ZNF831: variants seen among roughly 807,000 people sequenced by gnomAD.
ZNF831 encodes the protein zinc finger protein 831.
Under a neutral mutation model 95.8 loss-of-function variants are expected in ZNF831, and 59 were observed. The ratio of observed to expected loss-of-function variants is 0.62; its 90% CI spans 0.50 to 0.77. The LOEUF (loss-of-function observed/expected upper bound fraction) is 0.77. Among genes scored for constraint, ZNF831 ranks in the 30% least tolerant of loss-of-function variants. The probability of loss-of-function intolerance (pLI) is 0.00; values close to 1 mark genes in which losing one functional copy is unlikely to be tolerated. For missense variants in ZNF831, 2,205 were observed against 2,164.0 expected (o/e 1.02, Z -0.38); for synonymous variants, 961 against 925.5 (o/e 1.04, Z -0.70).
In ZNF831 at chr20:59,254,848, C is replaced by T. The variant is rs1988104486; in HGVS notation, c.*105C>T. ...CTAAACTCTATCTGTGAAACACCTA[C>T]AGATTAGGAAAGCCATTTTGAGTTA... On this transcript the variant is annotated 3_prime_UTR_variant, in exon 6 of 6. Coordinates refer to ENST00000371030, the MANE Select transcript of ZNF831 (RefSeq NM_178457.3). This position sits in a 1 kb window ranked among gnomAD's most constrained non-coding sequence, Gnocchi z 4.5. 12 of 1,458,628 alleles carry T rather than the reference C, an allele frequency of 8.2e-6. No homozygotes were observed. Among genetic ancestry groups the T allele is most frequent in the Non-Finnish European group, 1.0e-5 (11 of 1,088,608 alleles). 90.4% of individuals were successfully genotyped at this position (1,458,628 alleles called of 1,614,324 possible). A position where few individuals can be genotyped will look rare whatever the true frequency, so the allele number is the denominator to read the frequency against.
Position 59,258,658 on chromosome 20 carries a change from A to C in ZNF831, c.*3915A>C, listed in dbSNP as rs573486897. 6.6e-6 allele frequency: 1 copy of C among 152,470 alleles called. No individual in the cohort carries two copies. The highest frequency in any genetic ancestry group is 1.9e-4 in the East Asian group (1 of 5,186). 9.4% of individuals were successfully genotyped at this position (152,470 alleles called of 1,614,324 possible). On this transcript the variant is annotated 3_prime_UTR_variant, in exon 6 of 6. Transcript: ENST00000371030. ...TTTCCTCACTTCAGTTGTTCTTCCC[A>C]TAGTTCATGTAGGGAGGCACTTTGG...
At chr20:59,198,261 C>T (rs988328803) in intron 3 of ZNF831, among the ~76,000 whole-genome samples, 1 of 152,212 alleles carries the variant, frequency 6.6e-6, no homozygotes, top group Non-Finnish European at 1.5e-5. Context: ...TAGGCCAGTG[C>T]TCTAAAACTT....
At position 59,191,093 on chromosome 20, in the gene ZNF831, G is replaced by A. The variant is rs770744028; in HGVS notation, c.74G>A (p.Gly25Glu). ...CCAGCTCCCACTCCTGGCCCTCCAG[G>A]GGCCCCAGGTGGCCAGGCCTCACCT... is the stretch of plus-strand genomic sequence containing the variant. ...DQPAPTPGPP[G>E]APGGQASPHL... Residue 25 changes from glycine to glutamate, a missense_variant, in exon 2 of 6, where the codon GGG becomes GAG. Coordinates refer to ENST00000371030, the MANE Select transcript of ZNF831 (RefSeq NM_178457.3). 4.5e-6 allele frequency: 7 copies of A among 1,549,448 alleles called. No homozygotes were observed. Among genetic ancestry groups the A allele is most frequent in the East Asian group, 2.3e-5 (1 of 43,836 alleles).
At position 59,142,511 on chromosome 20, in the gene ZNF831, G is replaced by T. The variant is rs149769146; in HGVS notation, c.-1424-3720G>T. 6.2e-4 allele frequency among the ~76,000 whole-genome samples: 95 copies of T among 152,320 alleles called. 1 individual carries two copies. The highest frequency in any genetic ancestry group is 3.8e-4 in the Non-Finnish European group (26 of 68,018). ...CCAAAGCTTGGGATTCGTAGCCGTG[G>T]AAGAGCACAAGATGACGTTAGGGTG... On this transcript the variant is annotated intron_variant, in intron 1 of 7. Transcript: ENST00000637017.
At chr20:59,157,168 A>G (rs1261746032) in intron 2 of ZNF831, among the ~76,000 whole-genome samples, 1 of 152,206 alleles carries the variant, frequency 6.6e-6, no homozygotes, top group Admixed American at 6.5e-5. Context: ...TAGCTTATTC[A>G]TTCTAACTAT....
At position 59,192,880 on chromosome 20, in the gene ZNF831, C is replaced by G. The variant is rs1983725361; in HGVS notation, c.1861C>G (p.Gln621Glu). 6.3e-7 allele frequency: 1 copy of G among 1,598,624 alleles called. No homozygotes were observed. The highest frequency in any genetic ancestry group is 8.5e-7 in the Non-Finnish European group (1 of 1,172,526). The part of the protein sequence containing the change: ...RLKMFSQEKW[Q>E]VYGDETFKRI... ...GAAGATGTTCTCCCAGGAGAAGTGG[C>G]AGGTGTACGGGGATGAGACGTTCAA... Residue 621 changes from glutamine to glutamate, a missense_variant, in exon 2 of 6, where the codon CAG becomes GAG. By Grantham distance (29) the Gln-to-Glu change is conservative (BLOSUM62 2). Transcript: ENST00000371030. The surrounding 1 kb of genome is among the most constrained non-coding windows in gnomAD (Gnocchi z 5.2).
chr20:59,169,965 T>G lies in ZNF831; in HGVS notation c.-37+5758T>G, dbSNP rs571710065. Among the ~76,000 whole-genome samples the G allele has an allele frequency of 6.6e-6, 1 of 152,136 alleles. No individual in the cohort carries two copies. The highest frequency in any genetic ancestry group is 1.5e-5 in the Non-Finnish European group (1 of 68,020). On this transcript the variant is annotated intron_variant, in intron 1 of 5. Coordinates refer to ENST00000371030, the MANE Select transcript of ZNF831 (RefSeq NM_178457.3). The surrounding 1 kb of genome is among the most constrained non-coding windows in gnomAD (Gnocchi z 4.1). Reference sequence around the variant, plus strand: ...AGCTCTTTCTTTCATTGATTTTCTCTATTATTTTTCTGTTTTGATTTGACC... The same window carrying G: ...AGCTCTTTCTTTCATTGATTTTCTCGATTATTTTTCTGTTTTGATTTGACC...
At position 59,176,121 on chromosome 20, in the gene ZNF831, A is replaced by G. The variant is rs561255356; in HGVS notation, c.-37+11914A>G. On this transcript the variant is annotated intron_variant, in intron 1 of 5. Transcript: ENST00000371030. ...ACACACTGTGGCACACCCACACCGT[A>G]AAACAGGACTTGGCAAGGAAAAGGA... Among the ~76,000 whole-genome samples, 5 of 152,382 alleles carry G rather than the reference A, an allele frequency of 3.3e-5. No individual in the cohort carries two copies. In the East Asian group the frequency reaches 9.6e-4, roughly 29 times the overall value.
chr20:59,155,407 T>G (rs1324989950), intron 2 of ZNF831, among the ~76,000 whole-genome samples: 1 of 152,226 alleles, frequency 6.6e-6, no homozygotes. Context: ...TAGAGCACCC[T>G]GATGTGAATG....
intron 1 of ZNF831, among the ~76,000 whole-genome samples, chr20:59,179,134 C>A (rs753263235): frequency 1.5e-4 from 23 of 152,230 alleles, no homozygotes; most frequent in Non-Finnish European, 3.4e-4. Context: ...CATGGGAGGA[C>A]CACAGTGGCT....
At chr20:59,222,340 A>G (rs1986136308) in intron 4 of ZNF831, among the ~76,000 whole-genome samples, 1 of 151,832 alleles carries the variant, frequency 6.6e-6, no homozygotes. Context: ...AGACCCCCCT[A>G]CCCTGGTGGG....
chr20:59,194,304 TC>T lies in ZNF831; in HGVS notation c.3288del (p.Trp1097GlyfsTer81). 2 of 1,613,922 alleles carry T rather than the reference TC, an allele frequency of 1.2e-6. No homozygotes were observed. The highest frequency in any genetic ancestry group is 1.7e-6 in the Non-Finnish European group (2 of 1,179,996). Reference protein sequence around the residue: ...RARLSGDVLNPWVPNWELGEP... With the variant: ...RARLSGDVLNXWVPNWELGEP... The stretch of plus-strand genomic sequence containing the variant: ...CCAGGCTCTCTGGGGATGTCCTGAA[TC>T]CCTGGGTACCCAACTGGGAGCTGGG... On this transcript the variant is annotated frameshift_variant, in exon 2 of 6. Coordinates refer to ENST00000371030, the MANE Select transcript of ZNF831 (RefSeq NM_178457.3). LOFTEE classifies it high-confidence loss of function.
intron 2 of ZNF831, among the ~76,000 whole-genome samples, chr20:59,147,580 G>A (rs1389943646): frequency 6.6e-6 from 1 of 152,210 alleles, no homozygotes; most frequent in Admixed American, 6.5e-5. Flanking sequence ...CAAAGATGTT[G>A]GATCATGGCT....
chr20:59,253,265 A>G lies in ZNF831; in HGVS notation c.4188+127A>G. ...ATCACCTTATGAAGATTCGTGGCAC[A>G]GAAAGCCCATTAAGACAAACAAATA... On this transcript the variant is annotated intron_variant, in intron 5 of 5. Coordinates refer to ENST00000371030, the MANE Select transcript of ZNF831 (RefSeq NM_178457.3). 4 of 1,045,406 alleles carry G rather than the reference A, an allele frequency of 3.8e-6. No individual in the cohort carries two copies. The South Asian group carries it at 7.0e-5, about 18-fold the overall frequency. 64.8% of individuals were successfully genotyped at this position (1,045,406 alleles called of 1,614,324 possible).
chr20:59,196,942 ATTT>A (rs34011921), intron 3 of ZNF831, among the ~76,000 whole-genome samples: 1 of 132,386 alleles, frequency 7.6e-6, no homozygotes, highest in Non-Finnish European at 1.7e-5. Context: ...ACGCCCAGCT[ATTT>A]TTTTTTTTTT....
At chr20:59,127,248 G>A (rs1601287775) in intron 1 of ZNF831, among the ~76,000 whole-genome samples, 1 of 152,150 alleles carries the variant, frequency 6.6e-6, no homozygotes, top group Non-Finnish European at 1.5e-5. Context: ...TGTCTCTTGA[G>A]TCCACGTCAC....
chr20:59,136,555 T>C (rs1020513061), intron 1 of ZNF831, among the ~76,000 whole-genome samples: 11 of 152,202 alleles, frequency 7.2e-5, no homozygotes, highest in African/African-American at 2.7e-4. Flanking sequence ...CACCTGCATG[T>C]TCATGTTTAA....
At chr20:59,196,942 AT>A (rs34011921) in intron 3 of ZNF831, among the ~76,000 whole-genome samples, 1,719 of 132,230 alleles carry the variant, frequency 0.013, 16 homozygotes, top group African/African-American at 0.032. Flanking sequence ...ACGCCCAGCT[AT>A]TTTTTTTTTT....
intron 2 of ZNF831, among the ~76,000 whole-genome samples, chr20:59,152,794 C>T (rs1980321324): frequency 6.6e-6 from 1 of 152,036 alleles, no homozygotes. Flanking sequence ...GCCAAAAGGC[C>T]AGTATGTGGC....
Sources: allele counts gnomAD v4.1 joint callset (sites outside exome capture counted in the v4.1 genomes callset), GRCh38; gene constraint gnomAD v4.1.1; non-coding constraint Gnocchi (gnomAD v3.1); transcripts MANE v1.5; gene names NCBI Gene and HGNC (gene_info 2026-07-23, HGNC 2026-07-21).